FCF1: variants seen among roughly 807,000 people sequenced by gnomAD.
FCF1 encodes rRNA-processing protein FCF1 homolog.
In FCF1, 17 loss-of-function variants were observed where a neutral mutation model predicts 32.5. The observed-to-expected ratio is 0.52, with a 90% CI of 0.36 to 0.78. The LOEUF (loss-of-function observed/expected upper bound fraction) is 0.78. Among genes scored for constraint, FCF1 ranks in the 30% least tolerant of loss-of-function variants. The pLI, the probability that FCF1 is intolerant of heterozygous loss-of-function variation, is 0.00. For missense variants in FCF1, 201 were observed against 241.1 expected (o/e 0.83, Z 1.10); for synonymous variants, 84 against 78.4 (o/e 1.07, Z -0.38).
intron 5 of FCF1, among the ~76,000 whole-genome samples, chr14:74,730,427 G>T (rs1251237497): frequency 1.3e-5 from 2 of 151,794 alleles, no homozygotes; most frequent in African/African-American, 4.8e-5. Context: ...AATTTTTTTG[G>T]TAGAGACTGG....
Position 74,734,181 on chromosome 14 carries a change from T to C in FCF1, c.548+11T>C. The C allele has an allele frequency of 6.6e-7, 1 of 1,520,854 alleles. No individual in the cohort carries two copies. The highest frequency in any genetic ancestry group is 9.1e-7 in the Non-Finnish European group (1 of 1,095,632). 94.2% of individuals were successfully genotyped at this position (1,520,854 alleles called of 1,614,324 possible). ...CATTTCTAACCATAGGTGAGAAATT[T>C]CCCTTGGAGAAGGGAATAGAAATAT... On this transcript the variant is annotated intron_variant, in intron 7 of 7. Transcript: ENST00000341162.
chr14:74,719,393 G>C (rs1221143494), intron 4 of FCF1, among the ~76,000 whole-genome samples: 1 of 150,558 alleles, frequency 6.6e-6, no homozygotes, highest in African/African-American at 2.4e-5. Context: ...GGTGGGAGGA[G>C]TTCTGGGCTT....
At chr14:74,716,447 A>C (rs2090421817) in intron 4 of FCF1, among the ~76,000 whole-genome samples, 1 of 152,222 alleles carries the variant, frequency 6.6e-6, no homozygotes. Context: ...GTTAACAAGG[A>C]TATGTTCTCC....
At chr14:74,718,888 G>A (rs368622256) in intron 4 of FCF1, among the ~76,000 whole-genome samples, 20 of 152,020 alleles carry the variant, frequency 1.3e-4, no homozygotes, top group South Asian at 1.2e-3. Context: ...GGCCAGGTGC[G>A]GTGGTTCACA....
Position 74,713,501 on chromosome 14 carries a change from C to CT in FCF1, c.20_21insT (p.Arg8LysfsTer11). 6.2e-7 allele frequency: 1 copy of CT among 1,612,604 alleles called. No individual in the cohort carries two copies. Among genetic ancestry groups the CT allele is most frequent in the South Asian group, 1.1e-5 (1 of 91,008 alleles). ...TGTTTCAAGGGGAAGCAAAAGAAAA[C>CT]AAGGAAGTATGCGACCATGAAGCGA... On this transcript the variant is annotated frameshift_variant, in exon 2 of 8. Coordinates refer to ENST00000341162, the MANE Select transcript of FCF1 (RefSeq NM_015962.5). LOFTEE classifies it high-confidence loss of function.
intron 5 of FCF1, among the ~76,000 whole-genome samples, chr14:74,728,916 A>G (rs4899534): frequency 0.33 from 49,776 of 151,510 alleles, 9,954 homozygotes; most frequent in African/African-American, 0.56. Context: ...ATTGATTTGC[A>G]TATATTGAAC....
chr14:74,715,608 C>T (rs966704255), intron 3 of FCF1: 11 of 366,368 alleles, frequency 3.0e-5, no homozygotes, highest in South Asian at 2.0e-4. Context: ...GAATGACAAA[C>T]GTGTTGTTGT....
At chr14:74,718,557 T>C (rs2090452973) in intron 4 of FCF1, among the ~76,000 whole-genome samples, 1 of 152,204 alleles carries the variant, frequency 6.6e-6, no homozygotes, top group East Asian at 1.9e-4. Flanking sequence ...CACTGCAACC[T>C]CTGCCTCCCA....
intron 5 of FCF1, among the ~76,000 whole-genome samples, chr14:74,728,383 A>G (rs1265942853): frequency 6.6e-6 from 1 of 152,020 alleles, no homozygotes; most frequent in Non-Finnish European, 1.5e-5. Flanking sequence ...ATGGGAGTTC[A>G]CTCATGATTT....
chr14:74,715,372 A>G (rs1204057935), intron 3 of FCF1, among the ~76,000 whole-genome samples: 5 of 152,166 alleles, frequency 3.3e-5, no homozygotes, highest in African/African-American at 1.2e-4. Context: ...AACTTTATGA[A>G]AACTTTACCA....
At chr14:74,718,829 C>T (rs2090457163) in intron 4 of FCF1, among the ~76,000 whole-genome samples, 1 of 151,946 alleles carries the variant, frequency 6.6e-6, no homozygotes, top group African/African-American at 2.4e-5. Context: ...GAAGCCTGGG[C>T]AACATAACGA....
At chr14:74,734,009 C>A in intron 6 of FCF1, 67 bp from the exon 7 acceptor site, 1 of 1,028,478 alleles carries the variant, frequency 9.7e-7, no homozygotes, top group South Asian at 1.3e-5. Context: ...GTCGTTGTGC[C>A]ATTATCCAGT....
chr14:74,725,894 C>T (rs1412072184), intron 5 of FCF1, among the ~76,000 whole-genome samples: 3 of 151,412 alleles, frequency 2.0e-5, no homozygotes, highest in Non-Finnish European at 4.4e-5. Flanking sequence ...CGAGATCGCG[C>T]CACTGCACTC....
At chr14:74,715,057 T>A in intron 3 of FCF1, 114 bp downstream of exon 3, 1 of 1,048,864 alleles carries the variant, frequency 9.5e-7, no homozygotes, top group Non-Finnish European at 1.3e-6. Context: ...CACAACTATG[T>A]AGATGAAAGT....
intron 2 of FCF1, 27 bp downstream of exon 2, chr14:74,713,579 G>A (rs1290943685): frequency 1.9e-6 from 3 of 1,587,802 alleles, no homozygotes; most frequent in Middle Eastern, 4.5e-4. Flanking sequence ...AACTGCCCAG[G>A]GATATTCTAA....
At position 74,736,552 on chromosome 14, in the gene FCF1, C is replaced by T. The variant is rs765768023; in HGVS notation, c.*1622C>T. On this transcript the variant is annotated 3_prime_UTR_variant, in exon 8 of 8. Coordinates refer to ENST00000341162, the MANE Select transcript of FCF1 (RefSeq NM_015962.5). ...TATTATACATTTCAAAATTGATGTTCTCATCACAGAAATGTATTTGAAGTA... is the reference window on the plus strand; with the variant it reads ...TATTATACATTTCAAAATTGATGTTTTCATCACAGAAATGTATTTGAAGTA... 3 of 152,068 alleles carry T rather than the reference C, an allele frequency of 2.0e-5. No homozygotes were observed. The highest frequency in any genetic ancestry group is 4.4e-5 in the Non-Finnish European group (3 of 68,026). 9.4% of individuals were successfully genotyped at this position (152,068 alleles called of 1,614,324 possible). A position where few individuals can be genotyped will look rare whatever the true frequency, so the allele number is the denominator to read the frequency against.
intron 4 of FCF1, among the ~76,000 whole-genome samples, chr14:74,722,065 T>TTTGGGTG (rs2090511486): frequency 6.7e-6 from 1 of 150,342 alleles, no homozygotes. Context: ...TTTTTTTTTT[T>TTTGGGTG]GAGATGGAGT....
At chr14:74,728,212 G>A (rs866183000) in intron 5 of FCF1, among the ~76,000 whole-genome samples, 6 of 152,086 alleles carry the variant, frequency 3.9e-5, no homozygotes, top group African/African-American at 9.7e-5. Flanking sequence ...CCATTTTCAC[G>A]ATATTGATTC....
chr14:74,726,530 T>G (rs1322791546), intron 5 of FCF1, among the ~76,000 whole-genome samples: 1 of 151,572 alleles, frequency 6.6e-6, no homozygotes, highest in Non-Finnish European at 1.5e-5. Flanking sequence ...TTCCAGTTAC[T>G]TGGGAGGCTG....
Sources: gnomAD v4.1 joint callset for allele counts (sites outside exome capture counted in the v4.1 genomes callset) on GRCh38, gnomAD v4.1.1 for gene constraint, MANE v1.5 for transcripts, NCBI Gene and HGNC (gene_info 2026-07-23, HGNC 2026-07-21) for gene names.